LRIG1: variants seen among roughly 807,000 people sequenced by gnomAD.
LRIG1 encodes the protein leucine rich repeats and immunoglobulin like domains 1.
In LRIG1, 48 loss-of-function variants were observed where a neutral mutation model predicts 99.2. That is an observed-to-expected ratio of 0.48 (90% CI 0.38 to 0.62). The LOEUF (loss-of-function observed/expected upper bound fraction) is 0.62, where lower values mean the gene tolerates loss of function less well. Ranked by LOEUF, LRIG1 falls within the 20% of genes least tolerant of loss-of-function variation. The pLI is 0.00. For missense variants in LRIG1, 1,646 were observed against 1,434.4 expected (o/e 1.15, Z -2.38); for synonymous variants, 772 against 596.1 (o/e 1.29, Z -4.30).
intron 8 of LRIG1, chr3:66,406,245 C>A: frequency 2.0e-6 from 2 of 985,478 alleles, no homozygotes; most frequent in African/African-American, 3.5e-5. Flanking sequence ...GACTTCTCCT[C>A]TCAATGGGTT....
At chr3:66,406,905 G>A (rs1702288233) in intron 8 of LRIG1, among the ~76,000 whole-genome samples, 1 of 152,194 alleles carries the variant, frequency 6.6e-6, no homozygotes, top group Non-Finnish European at 1.5e-5. Flanking sequence ...GACGAGAGAT[G>A]CACTGCAGTA....
chr3:66,380,372 G>A lies in LRIG1; in HGVS notation c.3173C>T (p.Ser1058Phe), dbSNP rs1700963036. Residue 1058 changes from serine (S) to phenylalanine (F), a missense_variant, in exon 19 of 19, where the codon TCC (serine) becomes TTC (phenylalanine). Physicochemically the swap from Ser to Phe is radical, Grantham distance 155. Transcript: ENST00000273261. ...ACATGCTTTGGGGAGGTGGCCATTG[G>A]AAACAAGCAAGTACTGGGCTTCCGC... Reference protein sequence around the residue: ...ERAEAQYLLVSNGHLPKACDA... With the variant: ...ERAEAQYLLVFNGHLPKACDA... 1 of 1,614,202 alleles carries A rather than the reference G, an allele frequency of 6.2e-7. No homozygotes were observed. Among genetic ancestry groups the A allele is most frequent in the Admixed American group, 1.7e-5 (1 of 60,032 alleles).
At chr3:66,480,447 T>A (rs9883295) in intron 1 of LRIG1, among the ~76,000 whole-genome samples, 1 of 151,878 alleles carries the variant, frequency 6.6e-6, no homozygotes, top group African/African-American at 2.4e-5. Context: ...TTGTGGTATT[T>A]GAATCACATC....
At chr3:66,487,466 T>C (rs1325814118) in intron 1 of LRIG1, among the ~76,000 whole-genome samples, 1 of 152,122 alleles carries the variant, frequency 6.6e-6, no homozygotes, top group Non-Finnish European at 1.5e-5. Flanking sequence ...CGTTCTGCCC[T>C]GAAAGAATGT....
rs1238111891 is a variant in LRIG1, at chr3:66,378,889, AAAATTTCTATAAAT to A, written c.*1360_*1373del. On this transcript the variant is annotated 3_prime_UTR_variant, in exon 19 of 19. Coordinates refer to ENST00000273261, the MANE Select transcript of LRIG1 (RefSeq NM_015541.3). ...CATGGTTTTCAATGTACACTGTACC[AAAATTTCTATAAAT>A]AAATAACTTTGTACATAAAAGTAAT... is the stretch of plus-strand genomic sequence containing the variant. 1 of 152,694 alleles carries A rather than the reference AAAATTTCTATAAAT, an allele frequency of 6.5e-6. No homozygotes were observed. The highest frequency in any genetic ancestry group is 1.5e-5 in the Non-Finnish European group (1 of 68,046). The allele number at this position is 152,694 out of a possible 1,614,324, so 9.5% of individuals were successfully genotyped here.
chr3:66,388,388 C>T (rs1408850239), intron 12 of LRIG1, among the ~76,000 whole-genome samples: 1 of 151,108 alleles, frequency 6.6e-6, no homozygotes, highest in African/African-American at 2.4e-5. Context: ...GCATCAAGCA[C>T]AACAACATAC....
chr3:66,425,586 G>A (rs866045718), intron 3 of LRIG1, among the ~76,000 whole-genome samples: 1 of 152,198 alleles, frequency 6.6e-6, no homozygotes, highest in South Asian at 2.1e-4. Flanking sequence ...GGGTGAGGAT[G>A]GTGCAAGGCA....
Position 66,500,486 on chromosome 3 carries a change from G to A in LRIG1, c.-79C>T. The A allele has an allele frequency of 6.1e-6, 5 of 820,960 alleles. No homozygotes were observed. The highest frequency in any genetic ancestry group is 8.5e-6 in the Non-Finnish European group (5 of 591,026). 50.9% of individuals were successfully genotyped at this position (820,960 alleles called of 1,614,324 possible). A position where few individuals can be genotyped will look rare whatever the true frequency, so the allele number is the denominator to read the frequency against. On this transcript the variant is annotated 5_prime_UTR_variant, in exon 1 of 19. Coordinates refer to ENST00000273261, the MANE Select transcript of LRIG1 (RefSeq NM_015541.3). ...GGCCGCAGACGCGGGCGGGCCCGCG[G>A]GGCGCTCCGCTCGGCTCTAGACTCC...
intron 12 of LRIG1, chr3:66,386,803 GA>G (rs1373733745): frequency 6.5e-6 from 1 of 153,998 alleles, no homozygotes; most frequent in Non-Finnish European, 1.4e-5. Context: ...CAGAATTCTG[GA>G]AAACCAAAGG....
intron 10 of LRIG1, among the ~76,000 whole-genome samples, 181 bp downstream of exon 10, chr3:66,398,789 T>G (rs1473017444): frequency 6.6e-6 from 1 of 152,250 alleles, no homozygotes; most frequent in East Asian, 1.9e-4. Context: ...GTTCTGTAAC[T>G]GTTCCTGGCA....
rs111579066 is a variant in LRIG1, at chr3:66,436,348, G to T, written c.365+15211C>A. ...GCTGGGTGCAGGCAAGCTCAGGAAGGGGCATTTCCTCCCCCGCCTCTTGCA... is the reference window on the plus strand; with the variant it reads ...GCTGGGTGCAGGCAAGCTCAGGAAGTGGCATTTCCTCCCCCGCCTCTTGCA... On this transcript the variant is annotated intron_variant, in intron 3 of 18. Coordinates refer to ENST00000273261, the MANE Select transcript of LRIG1 (RefSeq NM_015541.3). 4.9e-3 allele frequency among the ~76,000 whole-genome samples: 739 copies of T among 152,286 alleles called. 10 individuals carry two copies. Among genetic ancestry groups the T allele is most frequent in the African/African-American group, 0.013 (541 of 41,554 alleles).
At chr3:66,448,724 G>A (rs1703804554) in intron 3 of LRIG1, among the ~76,000 whole-genome samples, 1 of 152,180 alleles carries the variant, frequency 6.6e-6, no homozygotes, top group South Asian at 2.1e-4. Context: ...CATGGCCTCA[G>A]CAGACATTTG....
chr3:66,424,983 A>C (rs924217707), intron 3 of LRIG1, among the ~76,000 whole-genome samples: 1 of 152,234 alleles, frequency 6.6e-6, no homozygotes, highest in African/African-American at 2.4e-5. Context: ...GGTTAGAGGT[A>C]TTAAATGCAT....
chr3:66,398,890 G>T, intron 10 of LRIG1, 80 bp downstream of exon 10: 1 of 1,130,828 alleles, frequency 8.8e-7, no homozygotes, highest in Non-Finnish European at 1.3e-6. Context: ...TTACAAAGAT[G>T]CGATTAAATT....
chr3:66,398,146 C>G lies in LRIG1; in HGVS notation c.1270G>C (p.Asp424His). 1 of 1,614,146 alleles carries G rather than the reference C, an allele frequency of 6.2e-7. No homozygotes were observed. Among genetic ancestry groups the G allele is most frequent in the Middle Eastern group, 1.6e-4 (1 of 6,062 alleles). ...GGNAIRSVQF[D>H]AFVKMKNLKE... ...AGATTCTTCATCTTCACAAAGGCAT[C>G]AAACTGGACAGATCTGATCGCATTC... The change falls in exon 11 of 19, where the codon GAT becomes CAT. Residue 424 changes from aspartate (D) to histidine (H), a missense_variant. Coordinates refer to ENST00000273261, the MANE Select transcript of LRIG1 (RefSeq NM_015541.3).
At chr3:66,414,240 A>C (rs905363194) in intron 5 of LRIG1, among the ~76,000 whole-genome samples, 3 of 152,102 alleles carry the variant, frequency 2.0e-5, no homozygotes, top group African/African-American at 7.2e-5. Flanking sequence ...TACTAAAAAT[A>C]CAAAAAATTA....
intron 9 of LRIG1, among the ~76,000 whole-genome samples, chr3:66,404,707 A>G (rs1294566683): frequency 1.3e-5 from 2 of 152,208 alleles, no homozygotes; most frequent in Non-Finnish European, 2.9e-5. Context: ...TAGGAAAAAA[A>G]AGAAAAAGAC....
chr3:66,442,994 G>C (rs1478550701), intron 3 of LRIG1, among the ~76,000 whole-genome samples: 1 of 152,120 alleles, frequency 6.6e-6, no homozygotes, highest in East Asian at 1.9e-4. Flanking sequence ...AGAAAAGAGA[G>C]AAGGAAAATG....
intron 1 of LRIG1, among the ~76,000 whole-genome samples, chr3:66,477,721 T>TAAAG (rs961445448): frequency 3.3e-5 from 5 of 152,150 alleles, no homozygotes; most frequent in Admixed American, 3.3e-4. Flanking sequence ...CTCTCATTTT[T>TAAAG]AAAGATGTTA....
Sources: allele counts gnomAD v4.1 joint callset (sites outside exome capture counted in the v4.1 genomes callset), GRCh38; gene constraint gnomAD v4.1.1; transcripts MANE v1.5; gene names NCBI Gene and HGNC (gene_info 2026-07-23, HGNC 2026-07-21).